Variants in CADPS2 observed in about 807,000 individuals in gnomAD.
CADPS2 encodes calcium dependent secretion activator 2.
A neutral mutation model predicts 172.5 loss-of-function variants in CADPS2; 93 were observed. The observed-to-expected ratio is 0.54, with a 90% CI of 0.46 to 0.64. The LOEUF (loss-of-function observed/expected upper bound fraction) is 0.64. CADPS2 is among the 30% of genes least tolerant of loss of function. The probability of loss-of-function intolerance (pLI) is 0.00; values close to 1 mark genes in which losing one functional copy is unlikely to be tolerated. For synonymous variants in CADPS2, 546 were observed against 555.2 expected (o/e 0.98, Z 0.23); for missense variants, 1,420 against 1,565.9 (o/e 0.91, Z 1.57).
At chr7:122,826,078 C>A (rs1266640409) in intron 1 of CADPS2, among the ~76,000 whole-genome samples, 1 of 152,182 alleles carries the variant, frequency 6.6e-6, no homozygotes, top group South Asian at 2.1e-4. Context: ...AAGGCAGCAC[C>A]CTTCCATTTC....
At chr7:122,702,592 T>C (rs746881283) in intron 2 of CADPS2, 33 of 1,613,548 alleles carry the variant, frequency 2.0e-5, no homozygotes, top group African/African-American at 4.0e-5. Context: ...CTAATTCCGA[T>C]GTGATCTCAT....
intron 25 of CADPS2, among the ~76,000 whole-genome samples, chr7:122,369,322 G>A (rs569320534): frequency 1.3e-5 from 2 of 151,958 alleles, no homozygotes; most frequent in Admixed American, 6.5e-5. Context: ...TAGTAGAAAC[G>A]GGGTTTCAGC....
intron 8 of CADPS2, among the ~76,000 whole-genome samples, chr7:122,528,110 AGTGGTGGTG>A (rs71159802): frequency 0.082 from 10,624 of 129,900 alleles, 619 homozygotes; most frequent in African/African-American, 0.15. Context: ...TGAAGGCATT[AGTGGTGGTG>A]GTGGTGGTGG....
At chr7:122,848,070 G>A (rs1322749145) in intron 1 of CADPS2, among the ~76,000 whole-genome samples, 1 of 152,176 alleles carries the variant, frequency 6.6e-6, no homozygotes, top group African/African-American at 2.4e-5. Context: ...CTATGGCTAA[G>A]TTTCATCATC....
intron 4 of CADPS2, among the ~76,000 whole-genome samples, chr7:122,628,049 A>T (rs1278779339): frequency 1.3e-5 from 2 of 152,136 alleles, no homozygotes; most frequent in East Asian, 1.9e-4. Context: ...CCTAATTTAT[A>T]GCACACTGTA....
intron 8 of CADPS2, among the ~76,000 whole-genome samples, chr7:122,533,081 T>C (rs1308111941): frequency 6.6e-6 from 1 of 152,138 alleles, no homozygotes; most frequent in Admixed American, 6.6e-5. Context: ...GATGTGGGGC[T>C]AAGTAACCCT....
intron 1 of CADPS2, among the ~76,000 whole-genome samples, chr7:122,743,343 T>A (rs1249816181): frequency 6.6e-6 from 1 of 152,192 alleles, no homozygotes; most frequent in African/African-American, 2.4e-5. Context: ...TTAGATTTCA[T>A]CCTTTTCATT....
At chr7:122,364,949 G>A (rs972335745) in intron 25 of CADPS2, among the ~76,000 whole-genome samples, 1 of 152,146 alleles carries the variant, frequency 6.6e-6, no homozygotes, top group Non-Finnish European at 1.5e-5. Flanking sequence ...AGGAAATAAT[G>A]TCTTTGACTA....
At chr7:122,325,444 T>C (rs776711945) in intron 29 of CADPS2, 33 bp downstream of exon 29, 3 of 1,353,536 alleles carry the variant, frequency 2.2e-6, no homozygotes, top group Non-Finnish European at 3.1e-6. Context: ...TATAGCTTAG[T>C]GGGCAATTCA....
At chr7:122,555,874 T>A (rs2064972486) in intron 7 of CADPS2, among the ~76,000 whole-genome samples, 1 of 152,006 alleles carries the variant, frequency 6.6e-6, no homozygotes, top group Admixed American at 6.6e-5. Flanking sequence ...TACCCTCAAA[T>A]CCTCATTTGC....
At chr7:122,676,619 T>G (rs2082407376) in intron 2 of CADPS2, 5 of 1,316,222 alleles carry the variant, frequency 3.8e-6, no homozygotes. Flanking sequence ...CTGCTTCCCA[T>G]GATGACTGAT....
chr7:122,659,747 G>C (rs145904153), intron 3 of CADPS2, among the ~76,000 whole-genome samples: 23 of 152,088 alleles, frequency 1.5e-4, no homozygotes, highest in Non-Finnish European at 2.6e-4. Flanking sequence ...AACTCTTGAA[G>C]GAAGCCATAA....
chr7:122,406,994 A>T (rs760292132), intron 20 of CADPS2, among the ~76,000 whole-genome samples: 1 of 152,214 alleles, frequency 6.6e-6, no homozygotes, highest in Non-Finnish European at 1.5e-5. Flanking sequence ...TTATTATTAA[A>T]TTGAGAATAA....
chr7:122,422,043 G>A (rs535557661), intron 17 of CADPS2: 1 of 152,254 alleles, frequency 6.6e-6, no homozygotes, highest in South Asian at 2.1e-4. Flanking sequence ...AAGTCCTGAC[G>A]TTCAGGAGAT....
intron 15 of CADPS2, among the ~76,000 whole-genome samples, chr7:122,443,983 C>T (rs895888878): frequency 6.6e-5 from 10 of 151,946 alleles, no homozygotes; most frequent in African/African-American, 9.7e-5. Flanking sequence ...TGCAAGTCTT[C>T]CCCCCAGATC....
chr7:122,657,062 G>T (rs2079889093), intron 3 of CADPS2, among the ~76,000 whole-genome samples: 2 of 152,144 alleles, frequency 1.3e-5, no homozygotes, highest in African/African-American at 4.8e-5. Flanking sequence ...TTATTAAATA[G>T]GGAATCCTTT....
At chr7:122,516,862 A>G (rs1274256189) in intron 8 of CADPS2, among the ~76,000 whole-genome samples, 3 of 152,046 alleles carry the variant, frequency 2.0e-5, no homozygotes, top group African/African-American at 4.8e-5. Context: ...TAATTCCACA[A>G]TGTCTATATT....
chr7:122,850,865 G>T (rs1584918800), intron 1 of CADPS2, among the ~76,000 whole-genome samples: 2 of 152,130 alleles, frequency 1.3e-5, no homozygotes, highest in South Asian at 4.1e-4. Context: ...GCATTTAAGG[G>T]GCTGGCCCTC....
intron 24 of CADPS2, among the ~76,000 whole-genome samples, chr7:122,382,971 A>G (rs2043195423): frequency 6.6e-6 from 1 of 152,148 alleles, no homozygotes; most frequent in Non-Finnish European, 1.5e-5. Flanking sequence ...TATCCAAAGG[A>G]ACACAGATCA....
Sources: gnomAD v4.1 joint callset for allele counts (sites outside exome capture counted in the v4.1 genomes callset) on GRCh38, gnomAD v4.1.1 for gene constraint, MANE v1.5 for transcripts, NCBI Gene and HGNC (gene_info 2026-07-23, HGNC 2026-07-21) for gene names.